The following AGBL3 variants were observed in gnomAD, a reference collection of about 807,000 sequenced individuals.
AGBL3 encodes the protein AGBL carboxypeptidase 3.
In AGBL3, 68 loss-of-function variants were observed where a neutral mutation model predicts 94.5. The ratio of observed to expected loss-of-function variants is 0.72; its 90% CI spans 0.59 to 0.88. AGBL3 has a LOEUF of 0.88. AGBL3 is among the 40% of genes least tolerant of loss of function. AGBL3 has a pLI of 0.00. For missense variants in AGBL3, 934 were observed against 1,103.8 expected (o/e 0.85, Z 2.18); for synonymous variants, 354 against 370.7 (o/e 0.95, Z 0.52).
chr7:135,120,327 A>C (rs1363723646), intron 16 of AGBL3, among the ~76,000 whole-genome samples: 4 of 152,246 alleles, frequency 2.6e-5, no homozygotes, highest in Non-Finnish European at 4.4e-5. Flanking sequence ...TATAAATGTG[A>C]GAAGGTAAAA....
At chr7:135,049,315 T>A (rs1563216886) in intron 11 of AGBL3, among the ~76,000 whole-genome samples, 1 of 151,952 alleles carries the variant, frequency 6.6e-6, no homozygotes, top group Non-Finnish European at 1.5e-5. Flanking sequence ...TGTTGTTACA[T>A]TTAGTTTTCT....
rs1262471517 is a variant in AGBL3 at position 135,135,025 on chromosome 7, CA to C, written c.2530del (p.Ile844SerfsTer4). On this transcript the variant is annotated frameshift_variant, in exon 17 of 17. Transcript: ENST00000436302. LOFTEE classifies it low-confidence loss of function (END_TRUNC). ...AGGCCCCAAGAAGAATAAACATTCTCAAATCTGGGCCATAAAGAATGAAGAC... is the reference window on the plus strand; with the variant it reads ...AGGCCCCAAGAAGAATAAACATTCTCAATCTGGGCCATAAAGAATGAAGAC... ...LKGPKKNKHS[Q>X]IWAIKNEDIK... 1 of 1,551,080 alleles carries C rather than the reference CA, an allele frequency of 6.4e-7. No individual in the cohort carries two copies. Among genetic ancestry groups the C allele is most frequent in the African/African-American group, 1.4e-5 (1 of 73,068 alleles).
Position 135,002,591 on chromosome 7 carries a change from CAAAG to C in AGBL3, c.310+8917_310+8920del, listed in dbSNP as rs370590981. ...GATGTAGCCCAAGGCCCCAAGTAGACAAAGAAACTCTGAACAGGCAGAATATTTC... is the reference window on the plus strand; with the variant it reads ...GATGTAGCCCAAGGCCCCAAGTAGACAAACTCTGAACAGGCAGAATATTTC... On this transcript the variant is annotated intron_variant, in intron 4 of 16. Transcript: ENST00000436302. 2.6e-5 allele frequency among the ~76,000 whole-genome samples: 4 copies of C among 152,242 alleles called. No individual in the cohort carries two copies. The East Asian group carries it at 7.7e-4, about 29-fold the overall frequency.
chr7:135,114,259 T>C (rs1396302950), intron 15 of AGBL3, among the ~76,000 whole-genome samples: 4 of 152,202 alleles, frequency 2.6e-5, no homozygotes, highest in African/African-American at 9.6e-5. Context: ...TTTTAATTAT[T>C]GAGGAACCAT....
chr7:135,134,162 A>G (rs969222430), intron 16 of AGBL3, among the ~76,000 whole-genome samples: 8 of 152,108 alleles, frequency 5.3e-5, no homozygotes, highest in African/African-American at 7.2e-5. Flanking sequence ...CAATATCCTG[A>G]TTGTGATATT....
chr7:135,099,438 GAAGT>G (rs1374400235), intron 15 of AGBL3, among the ~76,000 whole-genome samples: 1 of 152,132 alleles, frequency 6.6e-6, no homozygotes, highest in Non-Finnish European at 1.5e-5. Flanking sequence ...TTAAATATAT[GAAGT>G]AATTGTCAAG....
At chr7:135,096,151 CA>C (rs201040922) in intron 15 of AGBL3, among the ~76,000 whole-genome samples, 31 of 147,874 alleles carry the variant, frequency 2.1e-4, no homozygotes, top group Non-Finnish European at 4.0e-4. Flanking sequence ...GACTCTCTCT[CA>C]AAAAAAAAAA....
chr7:135,088,452 T>C (rs887933758), intron 15 of AGBL3, among the ~76,000 whole-genome samples: 4 of 152,182 alleles, frequency 2.6e-5, no homozygotes, highest in African/African-American at 9.6e-5. Flanking sequence ...CTTTTCTCTC[T>C]TTTGTGTATC....
Position 134,993,670 on chromosome 7 carries a change from AG to A in AGBL3, c.303del (p.Gln101HisfsTer19). On this transcript the variant is annotated frameshift_variant, in exon 4 of 17. Transcript: ENST00000436302. LOFTEE classifies it high-confidence loss of function. ...YHCEVIDEKV[Q>X]HIDWTPSCPE... ...TGTGAAGTCATCGATGAAAAAGTCC[AG>A]CATATTGGTATGTTTTTAGCAGTTT... is the stretch of plus-strand genomic sequence containing the variant. 6.5e-7 allele frequency: 1 copy of A among 1,549,244 alleles called. No individual in the cohort carries two copies. Among genetic ancestry groups the A allele is most frequent in the Non-Finnish European group, 8.7e-7 (1 of 1,145,646 alleles).
chr7:135,057,909 G>A (rs1302888743), intron 11 of AGBL3, among the ~76,000 whole-genome samples: 5 of 152,050 alleles, frequency 3.3e-5, no homozygotes, highest in African/African-American at 1.2e-4. Context: ...TATGACACTG[G>A]GTTGCCAGAA....
At chr7:135,070,777 T>C (rs201093534) in intron 12 of AGBL3, among the ~76,000 whole-genome samples, 17,887 of 151,792 alleles carry the variant, frequency 0.12, 1,178 homozygotes, top group East Asian at 0.19. Context: ...TCATACTGAA[T>C]GGGCAAAAAC....
intron 15 of AGBL3, among the ~76,000 whole-genome samples, chr7:135,106,602 G>A (rs1395715421): frequency 6.6e-6 from 1 of 152,174 alleles, no homozygotes. Flanking sequence ...ATGTGCTGCT[G>A]GATTTGGTTT....
chr7:135,065,908 G>T (rs1454585785), intron 12 of AGBL3, among the ~76,000 whole-genome samples: 2 of 152,042 alleles, frequency 1.3e-5, no homozygotes, highest in Admixed American at 6.6e-5. Context: ...CAAAAATGGT[G>T]TTGGGAAACT....
chr7:135,109,868 T>C (rs928054594), intron 15 of AGBL3, among the ~76,000 whole-genome samples: 17 of 152,184 alleles, frequency 1.1e-4, no homozygotes, highest in African/African-American at 3.6e-4. Context: ...GCAAAGACGG[T>C]GGCCCATCCT....
intron 16 of AGBL3, chr7:135,128,471 A>T: frequency 1.3e-6 from 1 of 750,096 alleles, no homozygotes; most frequent in Middle Eastern, 2.5e-4. Context: ...GCTCAAGAGG[A>T]TGAATTGCTG....
intron 11 of AGBL3, among the ~76,000 whole-genome samples, chr7:135,053,531 C>T (rs556337717): frequency 1.1e-3 from 166 of 152,178 alleles, no homozygotes; most frequent in African/African-American, 3.8e-3. Flanking sequence ...CATTTGAACC[C>T]GGGAGGCGGA....
At chr7:135,013,376 A>G (rs1390612918) in intron 4 of AGBL3, among the ~76,000 whole-genome samples, 1 of 152,224 alleles carries the variant, frequency 6.6e-6, no homozygotes, top group South Asian at 2.1e-4. Flanking sequence ...GAAAATATAC[A>G]TGTATTCCCT....
chr7:135,103,038 C>T (rs552177265), intron 15 of AGBL3, among the ~76,000 whole-genome samples: 2 of 152,208 alleles, frequency 1.3e-5, no homozygotes, highest in Admixed American at 6.5e-5. Context: ...TGTTTTATAC[C>T]TATGTCATTT....
chr7:135,126,359 A>G (rs1001118114), intron 16 of AGBL3, among the ~76,000 whole-genome samples: 6 of 152,238 alleles, frequency 3.9e-5, no homozygotes, highest in Non-Finnish European at 5.9e-5. Flanking sequence ...CTCTTCAAGG[A>G]GAACTACAGA....
Sources: allele counts gnomAD v4.1 joint callset (sites outside exome capture counted in the v4.1 genomes callset), GRCh38; gene constraint gnomAD v4.1.1; transcripts MANE v1.5; gene names NCBI Gene and HGNC (gene_info 2026-07-23, HGNC 2026-07-21).